The following HELZ variants were observed in gnomAD, a reference collection of about 807,000 sequenced individuals.
HELZ encodes the protein helicase with zinc finger.
Under a neutral mutation model 218.2 loss-of-function variants are expected in HELZ, and 23 were observed. That is an observed-to-expected ratio of 0.11 (90% CI 0.08 to 0.15). The LOEUF is 0.15. HELZ is among the 10% of genes least tolerant of loss of function. The pLI is 1.00. For missense variants in HELZ, 1,813 were observed against 2,353.7 expected, an observed-to-expected ratio of 0.77 and a Z score of 4.75; for synonymous variants, 814 against 829.4, an observed-to-expected ratio of 0.98 and a Z score of 0.32.
intron 31 of HELZ, among the ~76,000 whole-genome samples, chr17:67,097,510 C>A (rs1043961405): frequency 6.6e-6 from 1 of 152,142 alleles, no homozygotes; most frequent in Non-Finnish European, 1.5e-5. Flanking sequence ...ATCTCAGAGG[C>A]AAGGGCACTT....
intron 3 of HELZ, among the ~76,000 whole-genome samples, chr17:67,238,354 A>G (rs902770693): frequency 6.6e-6 from 1 of 150,936 alleles, no homozygotes; most frequent in Non-Finnish European, 1.5e-5. Context: ...TCTCTCAAAA[A>G]AAAAAAAAAA....
chr17:67,170,344 G>A (rs1325898281), intron 13 of HELZ, among the ~76,000 whole-genome samples: 9 of 152,106 alleles, frequency 5.9e-5, no homozygotes, highest in Non-Finnish European at 1.0e-4. Flanking sequence ...GTGAAACCCC[G>A]TCTCTACTAA....
At chr17:67,231,565 C>A (rs553841916) in intron 3 of HELZ, among the ~76,000 whole-genome samples, 1 of 149,880 alleles carries the variant, frequency 6.7e-6, no homozygotes, top group South Asian at 2.1e-4. Context: ...TGAACTCCAC[C>A]CTGGGTGACA....
rs1555595480 is a variant in HELZ, at chr17:67,089,694, G to GAGACAGAGAGAC, written c.5242-2614_5242-2613insGTCTCTCTGTCT. Among the ~76,000 whole-genome samples, 347 of 100,532 alleles carry GAGACAGAGAGAC rather than the reference G, an allele frequency of 3.5e-3. 2 individuals are homozygous for GAGACAGAGAGAC. Among genetic ancestry groups the GAGACAGAGAGAC allele is most frequent in the Non-Finnish European group, 4.9e-3 (255 of 52,422 alleles). The allele number at this position is 100,532 out of a possible 152,430, so 66.0% of individuals were successfully genotyped here. A position where few individuals can be genotyped will look rare whatever the true frequency, so the allele number is the denominator to read the frequency against. On this transcript the variant is annotated intron_variant, in intron 31 of 32. Coordinates refer to ENST00000358691, the MANE Select transcript of HELZ (RefSeq NM_014877.4). ...AGAGAGAGAGAGAGAGAGAGAGAGA[G>GAGACAGAGAGAC]AGAGAGACAGAGAGACAGAGAGAGA...
At chr17:67,240,152 G>A (rs2041282714) in intron 2 of HELZ, among the ~76,000 whole-genome samples, 1 of 152,156 alleles carries the variant, frequency 6.6e-6, no homozygotes, top group Non-Finnish European at 1.5e-5. Flanking sequence ...TCAAATTACA[G>A]TTATCTTAAG....
At chr17:67,202,039 A>G (rs2040182832) in intron 6 of HELZ, among the ~76,000 whole-genome samples, 1 of 152,128 alleles carries the variant, frequency 6.6e-6, no homozygotes, top group Non-Finnish European at 1.5e-5. Flanking sequence ...AACCAAATAT[A>G]ATTATTTAAT....
Position 67,167,450 on chromosome 17 carries a change from C to T in HELZ, c.1764+13G>A, listed in dbSNP as rs761620929. 3 of 1,584,542 alleles carry T rather than the reference C, an allele frequency of 1.9e-6. No individual in the cohort carries two copies. The highest frequency in any genetic ancestry group is 2.2e-5 in the East Asian group (1 of 44,734). On this transcript the variant is annotated intron_variant, in intron 14 of 32. Coordinates refer to ENST00000358691, the MANE Select transcript of HELZ (RefSeq NM_014877.4). ...ACAGACCACTATGGTTAAGCTGCAA[C>T]CTTCAAACATACCTGTGTGTCACAG...
chr17:67,165,514 T>C (rs1481590150), intron 15 of HELZ, among the ~76,000 whole-genome samples: 3 of 152,126 alleles, frequency 2.0e-5, no homozygotes, highest in Non-Finnish European at 2.9e-5. Flanking sequence ...CATGATTGAA[T>C]TGACACAGTG....
chr17:67,152,668 G>A (rs147917131), intron 17 of HELZ, among the ~76,000 whole-genome samples: 1,643 of 149,652 alleles, frequency 0.011, 18 homozygotes, highest in South Asian at 0.019. Context: ...CAATACATAA[G>A]TTTGGAGTTC....
intron 3 of HELZ, chr17:67,224,445 T>C (rs749836286): frequency 4.8e-5 from 11 of 228,364 alleles, no homozygotes; most frequent in Non-Finnish European, 8.7e-5. Flanking sequence ...AAGAAACTTT[T>C]TTCCAGCTTA....
intron 24 of HELZ, among the ~76,000 whole-genome samples, chr17:67,126,584 C>T (rs1598279132): frequency 6.6e-6 from 1 of 152,282 alleles, no homozygotes; most frequent in African/African-American, 2.4e-5. Context: ...CACAGTGGCT[C>T]AAGCCTGTAA....
chr17:67,244,479 G>C (rs1270002511), intron 1 of HELZ: 4 of 461,804 alleles, frequency 8.7e-6, no homozygotes. Flanking sequence ...GTGAGCCCTT[G>C]AAAAGGGTAC....
intron 8 of HELZ, among the ~76,000 whole-genome samples, chr17:67,194,885 T>C (rs908131729): frequency 5.3e-5 from 8 of 151,836 alleles, no homozygotes; most frequent in Non-Finnish European, 1.5e-5. Flanking sequence ...TTAATGTCAG[T>C]TTCATCACCT....
chr17:67,223,763 A>C (rs1002651578), intron 3 of HELZ, among the ~76,000 whole-genome samples: 1 of 152,176 alleles, frequency 6.6e-6, no homozygotes, highest in African/African-American at 2.4e-5. Context: ...AAGAAAAAAA[A>C]AATATCCAAA....
rs1243046003 is a variant in HELZ at position 67,109,074 on chromosome 17, A to C, written c.4489+42T>G. On this transcript the variant is annotated intron_variant, in intron 29 of 32. Coordinates refer to ENST00000358691, the MANE Select transcript of HELZ (RefSeq NM_014877.4). ...ATATTATACAGTCCAAGTCATGTTA[A>C]GTAATCTCTGAATTTTCACATCTGG... is the stretch of plus-strand genomic sequence containing the variant. The C allele has an allele frequency of 4.2e-6, 6 of 1,441,520 alleles. No individual in the cohort carries two copies. The African/African-American group carries it at 8.5e-5, about 20-fold the overall frequency. The allele number at this position is 1,441,520 out of a possible 1,614,324, so 89.3% of individuals were successfully genotyped here.
chr17:67,216,465 C>G (rs1459652448), intron 4 of HELZ, among the ~76,000 whole-genome samples: 1 of 152,258 alleles, frequency 6.6e-6, no homozygotes, highest in East Asian at 1.9e-4. Flanking sequence ...TACAGAAATA[C>G]AGTTATTTCT....
intron 3 of HELZ, chr17:67,225,550 G>A (rs2040866683): frequency 1.3e-5 from 2 of 152,372 alleles, no homozygotes; most frequent in Admixed American, 1.3e-4. Flanking sequence ...AAGTATGTCT[G>A]TGTTAGTAAC....
intron 21 of HELZ, 46 bp from the exon 22 acceptor site, chr17:67,138,160 T>C (rs1331887198): frequency 1.4e-6 from 2 of 1,438,310 alleles, no homozygotes; most frequent in Non-Finnish European, 1.9e-6. Context: ...ATCACCAATG[T>C]TTGGAGAAAA....
At chr17:67,090,117 G>A (rs116256716) in intron 31 of HELZ, among the ~76,000 whole-genome samples, 2,623 of 152,176 alleles carry the variant, frequency 0.017, 72 homozygotes, top group African/African-American at 0.059. Context: ...TTCATCCTGA[G>A]TGGACCATGC....
Sources: allele counts gnomAD v4.1 joint callset (sites outside exome capture counted in the v4.1 genomes callset), GRCh38; gene constraint gnomAD v4.1.1; transcripts MANE v1.5; gene names NCBI Gene and HGNC (gene_info 2026-07-23, HGNC 2026-07-21).